The following TCF12 variants were observed in gnomAD, a reference collection of about 807,000 sequenced individuals.
TCF12 encodes the protein transcription factor 12, also known as DNA-binding protein HTF4.
Under a neutral mutation model 86.0 loss-of-function variants are expected in TCF12, and 45 were observed. The ratio of observed to expected loss-of-function variants is 0.52; its 90% confidence interval spans 0.41 to 0.67. The LOEUF (loss-of-function observed/expected upper bound fraction) is 0.67, where lower values mean the gene tolerates loss of function less well. TCF12 is among the 30% of genes least tolerant of loss of function. The probability of loss-of-function intolerance (pLI) is 0.00; values close to 1 mark genes in which losing one functional copy is unlikely to be tolerated. For missense variants in TCF12, 881 were observed against 859.9 expected (o/e 1.02, Z -0.31); for synonymous variants, 330 against 299.6 (o/e 1.10, Z -1.05).
At chr15:57,135,796 G>A (rs765229814) in intron 5 of TCF12, among the ~76,000 whole-genome samples, 30 of 152,158 alleles carry the variant, frequency 2.0e-4, no homozygotes, top group African/African-American at 5.8e-4. Flanking sequence ...TTATCTGGTG[G>A]GAATAAGAAA....
At chr15:57,112,532 A>G (rs1287693095) in intron 5 of TCF12, among the ~76,000 whole-genome samples, 1 of 152,162 alleles carries the variant, frequency 6.6e-6, no homozygotes, top group Non-Finnish European at 1.5e-5. Context: ...GCTGTATAGC[A>G]ATCTAAGGAG....
intron 5 of TCF12, among the ~76,000 whole-genome samples, chr15:57,143,576 T>A (rs1184356509): frequency 6.6e-6 from 1 of 152,068 alleles, no homozygotes; most frequent in Non-Finnish European, 1.5e-5. Context: ...AGGAAAAAAA[T>A]CTTTTAGGTT....
chr15:57,060,409 C>G (rs1342849712), intron 3 of TCF12, among the ~76,000 whole-genome samples: 1 of 152,096 alleles, frequency 6.6e-6, no homozygotes, highest in Admixed American at 6.6e-5. Flanking sequence ...AAGAGATTAT[C>G]TATATAAAAG....
At chr15:56,950,110 C>T (rs1421263934) in intron 3 of TCF12, among the ~76,000 whole-genome samples, 5 of 152,184 alleles carry the variant, frequency 3.3e-5, no homozygotes, top group African/African-American at 1.2e-4. Flanking sequence ...TTCTCCTGTG[C>T]ATTTGTTAAT....
chr15:56,932,001 A>G (rs1287384402), intron 3 of TCF12, among the ~76,000 whole-genome samples: 1 of 152,196 alleles, frequency 6.6e-6, no homozygotes, highest in Non-Finnish European at 1.5e-5. Context: ...AACATGCCAT[A>G]GTGCCAGGGT....
chr15:57,179,741 A>G (rs1597107075), intron 6 of TCF12, among the ~76,000 whole-genome samples: 2 of 152,128 alleles, frequency 1.3e-5, no homozygotes, highest in South Asian at 4.1e-4. Flanking sequence ...TTATTGACCT[A>G]GGAAAGGATT....
At chr15:57,077,076 G>GGTA (rs2070133641) in intron 4 of TCF12, among the ~76,000 whole-genome samples, 2 of 152,146 alleles carry the variant, frequency 1.3e-5, no homozygotes, top group South Asian at 4.1e-4. Flanking sequence ...CTTGGTATCA[G>GGTA]GTAGTGTAAG....
At chr15:57,126,209 C>T (rs1408735990) in intron 5 of TCF12, among the ~76,000 whole-genome samples, 2 of 152,150 alleles carry the variant, frequency 1.3e-5, no homozygotes, top group Non-Finnish European at 2.9e-5. Context: ...CCACTACATT[C>T]CAGCTTGGTT....
At chr15:56,980,870 A>G (rs1196427344) in intron 3 of TCF12, among the ~76,000 whole-genome samples, 1 of 152,230 alleles carries the variant, frequency 6.6e-6, no homozygotes, top group Non-Finnish European at 1.5e-5. Context: ...TGGGATGCCT[A>G]GCATAACACT....
chr15:57,197,494 A>G (rs1245679114), intron 7 of TCF12, among the ~76,000 whole-genome samples: 1 of 152,044 alleles, frequency 6.6e-6, no homozygotes, highest in Non-Finnish European at 1.5e-5. Context: ...CCCTTCCCTC[A>G]TACTAGTTTG....
At chr15:57,151,453 G>C (rs1045942389) in intron 5 of TCF12, among the ~76,000 whole-genome samples, 3 of 152,100 alleles carry the variant, frequency 2.0e-5, no homozygotes, top group Admixed American at 6.5e-5. Context: ...CTTCTATCTA[G>C]GGTGTGGAAA....
At chr15:57,205,352 G>C (rs2057760068) in intron 8 of TCF12, among the ~76,000 whole-genome samples, 1 of 152,154 alleles carries the variant, frequency 6.6e-6, no homozygotes, top group Non-Finnish European at 1.5e-5. Flanking sequence ...CTTAAGACTA[G>C]CAAGAAATCT....
chr15:57,037,795 C>T (rs1354295229), intron 3 of TCF12, among the ~76,000 whole-genome samples: 1 of 152,178 alleles, frequency 6.6e-6, no homozygotes, highest in Non-Finnish European at 1.5e-5. Flanking sequence ...CATGTACTTA[C>T]ACATGTGGTT....
At position 56,981,544 on chromosome 15, in the gene TCF12, A is replaced by G. The variant is rs542066733; in HGVS notation, c.148+60446A>G. 5.9e-5 allele frequency among the ~76,000 whole-genome samples: 9 copies of G among 152,306 alleles called. No homozygotes were observed. The East Asian group carries it at 1.7e-3, about 29-fold the overall frequency. ...CTGTGGCATTGGGGATTAAGTTTCA[A>G]CATGAGTTTTGGAGGGGCCAAAAAC... On this transcript the variant is annotated intron_variant, in intron 3 of 20. Transcript: ENST00000333725.
intron 3 of TCF12, among the ~76,000 whole-genome samples, chr15:57,022,098 A>G (rs191532445): frequency 6.6e-5 from 10 of 151,336 alleles, no homozygotes; most frequent in African/African-American, 2.2e-4. Flanking sequence ...TTAAAGTTCT[A>G]GGGTACATGT....
At chr15:57,036,627 G>A (rs572199071) in intron 3 of TCF12, among the ~76,000 whole-genome samples, 112 of 152,060 alleles carry the variant, frequency 7.4e-4, no homozygotes, top group African/African-American at 2.5e-3. Flanking sequence ...TATTTTATGT[G>A]CTTATTGGCT....
intron 3 of TCF12, among the ~76,000 whole-genome samples, chr15:56,935,013 C>T (rs1037527350): frequency 4.6e-5 from 7 of 152,094 alleles, no homozygotes; most frequent in African/African-American, 1.4e-4. Flanking sequence ...TAAATTGCAA[C>T]GATGAGAATA....
intron 4 of TCF12, among the ~76,000 whole-genome samples, chr15:57,066,586 T>G (rs1244380752): frequency 6.6e-6 from 1 of 152,172 alleles, no homozygotes; most frequent in East Asian, 1.9e-4. Flanking sequence ...ATTATACTTT[T>G]TATAACATTT....
At chr15:57,008,579 A>G (rs1449693687) in intron 3 of TCF12, among the ~76,000 whole-genome samples, 1 of 152,088 alleles carries the variant, frequency 6.6e-6, no homozygotes, top group African/African-American at 2.4e-5. Flanking sequence ...ATGAATGCTT[A>G]TTTTTAAATT....
Sources: gnomAD v4.1 joint callset for allele counts (sites outside exome capture counted in the v4.1 genomes callset) on GRCh38, gnomAD v4.1.1 for gene constraint, MANE v1.5 for transcripts, NCBI Gene and HGNC (gene_info 2026-07-23, HGNC 2026-07-21) for gene names.